PARP8: variants seen among roughly 807,000 people sequenced by gnomAD.
PARP8 encodes the protein protein mono-ADP-ribosyltransferase PARP8.
A neutral mutation model predicts 124.1 loss-of-function variants in PARP8; 51 were observed. That is an observed-to-expected ratio of 0.41 (90% CI 0.33 to 0.52). The LOEUF (loss-of-function observed/expected upper bound fraction) is 0.52, where lower values mean the gene tolerates loss of function less well. Ranked by LOEUF, PARP8 falls within the 20% of genes least tolerant of loss-of-function variation. The probability of loss-of-function intolerance (pLI) is 0.21; values close to 1 mark genes in which losing one functional copy is unlikely to be tolerated. For missense variants in PARP8, 860 were observed against 1,018.9 expected, an observed-to-expected ratio of 0.84 and a Z score of 2.12; for synonymous variants, 391 against 361.5, an observed-to-expected ratio of 1.08 and a Z score of -0.93.
chr5:50,783,953 T>G (rs1275628490), intron 9 of PARP8, among the ~76,000 whole-genome samples: 1 of 152,218 alleles, frequency 6.6e-6, no homozygotes, highest in African/African-American at 2.4e-5. Context: ...GTTCAATTCA[T>G]GCAAAAGTCT....
intron 2 of PARP8, among the ~76,000 whole-genome samples, chr5:50,745,571 C>T (rs1022875168): frequency 1.3e-5 from 2 of 152,172 alleles, no homozygotes; most frequent in East Asian, 1.9e-4. Context: ...CATTGGACTC[C>T]TATTTGTCTG....
chr5:50,736,335 CTGCAGCATCTTTGTAATGG>C (rs1436168572), intron 2 of PARP8, among the ~76,000 whole-genome samples: 1 of 152,066 alleles, frequency 6.6e-6, no homozygotes, highest in African/African-American at 2.4e-5. Flanking sequence ...CTTTTAGTGG[CTGCAGCATCTTTGTAATGG>C]TGCAGCATCT....
chr5:50,770,895 T>G (rs1202860315), intron 7 of PARP8, among the ~76,000 whole-genome samples: 3 of 152,102 alleles, frequency 2.0e-5, no homozygotes, highest in Non-Finnish European at 4.4e-5. Flanking sequence ...TTGTCATACT[T>G]TCTGTATACT....
At chr5:50,739,442 T>G (rs892753561) in intron 2 of PARP8, among the ~76,000 whole-genome samples, 10 of 152,130 alleles carry the variant, frequency 6.6e-5, no homozygotes, top group Admixed American at 2.6e-4. Flanking sequence ...GATCATCTCC[T>G]CTCGCTACAT....
At position 50,824,902 on chromosome 5, in the gene PARP8, T is replaced by G; in HGVS notation, c.1861-6T>G. Reference sequence around the variant, plus strand: ...AAAATCAAGAAGTATAATGACTTTTTTTCAGGCACCATATCTGGAAATCAA... The same window carrying G: ...AAAATCAAGAAGTATAATGACTTTTGTTCAGGCACCATATCTGGAAATCAA... On this transcript the variant is annotated splice_region_variant and splice_polypyrimidine_tract_variant and intron_variant, in intron 17 of 25. Coordinates refer to ENST00000281631, the MANE Select transcript of PARP8 (RefSeq NM_024615.4). 1 of 1,612,146 alleles carries G rather than the reference T, an allele frequency of 6.2e-7. No individual in the cohort carries two copies. Among genetic ancestry groups the G allele is most frequent in the Non-Finnish European group, 8.5e-7 (1 of 1,178,496 alleles).
chr5:50,833,378 G>A (rs1747200701), intron 23 of PARP8: 1 of 448,942 alleles, frequency 2.2e-6, no homozygotes, highest in Admixed American at 2.5e-5. Context: ...GAACATTCTG[G>A]GCAGAGAGTA....
At position 50,687,898 on chromosome 5, in the gene PARP8, A is replaced by T. The variant is rs547226630; in HGVS notation, c.146+19773A>T. 1.3e-3 allele frequency among the ~76,000 whole-genome samples: 204 copies of T among 152,250 alleles called. 1 individual carries two copies. Among genetic ancestry groups the T allele is most frequent in the African/African-American group, 4.9e-3 (202 of 41,556 alleles). On this transcript the variant is annotated intron_variant, in intron 2 of 25. Coordinates refer to ENST00000281631, the MANE Select transcript of PARP8 (RefSeq NM_024615.4). ...TTGTATAGGGACACAGCCAAACCAT[A>T]TCAAGTACAATCTTGTCTCCTTGTA...
Position 50,843,407 on chromosome 5 carries a change from T to A in PARP8, c.*1339T>A, listed in dbSNP as rs1748371497. The A allele has an allele frequency of 2.0e-5, 3 of 151,766 alleles. No individual in the cohort carries two copies. The South Asian group carries it at 6.2e-4, about 31-fold the overall frequency. The allele number at this position is 151,766 out of a possible 1,614,324, so 9.4% of individuals were successfully genotyped here. A position where few individuals can be genotyped will look rare whatever the true frequency, so the allele number is the denominator to read the frequency against. On this transcript the variant is annotated 3_prime_UTR_variant, in exon 26 of 26. Transcript: ENST00000281631. ...ATAAAAATGTATAGTCATTTGCAAG[T>A]ATAATGTGATAACTGCTGTGTTTAT...
intron 14 of PARP8, among the ~76,000 whole-genome samples, chr5:50,812,583 A>G (rs1744582192): frequency 6.6e-6 from 1 of 152,126 alleles, no homozygotes; most frequent in Non-Finnish European, 1.5e-5. Flanking sequence ...GCTGTGCAGA[A>G]GCTCTTTAGT....
At chr5:50,750,395 T>C (rs566354462) in intron 3 of PARP8, among the ~76,000 whole-genome samples, 126 of 152,196 alleles carry the variant, frequency 8.3e-4, no homozygotes, top group African/African-American at 3.0e-3. Flanking sequence ...AATTTCCCAA[T>C]GAAAAGTTCT....
At chr5:50,686,513 C>T (rs1751878272) in intron 2 of PARP8, among the ~76,000 whole-genome samples, 1 of 152,184 alleles carries the variant, frequency 6.6e-6, no homozygotes, top group Non-Finnish European at 1.5e-5. Context: ...GGACAGTGGC[C>T]CACTTCTCAC....
At chr5:50,821,064 G>A (rs1745710726) in intron 15 of PARP8, 149 bp from the exon 16 acceptor site, 1 of 797,668 alleles carries the variant, frequency 1.3e-6, no homozygotes, top group Non-Finnish European at 2.0e-6. Flanking sequence ...TTGGTCAAAT[G>A]TGGTCTCAAG....
chr5:50,811,138 C>T (rs1744389519), intron 14 of PARP8, among the ~76,000 whole-genome samples: 1 of 151,860 alleles, frequency 6.6e-6, no homozygotes, highest in Non-Finnish European at 1.5e-5. Flanking sequence ...TACTTTTAAA[C>T]CAAAAACATA....
chr5:50,773,092 C>A (rs1377054849), intron 7 of PARP8, among the ~76,000 whole-genome samples: 1 of 152,108 alleles, frequency 6.6e-6, no homozygotes, highest in African/African-American at 2.4e-5. Flanking sequence ...GATATAAACC[C>A]CTTGTGAGAT....
chr5:50,704,386 G>T (rs1753913377), intron 2 of PARP8, among the ~76,000 whole-genome samples: 1 of 152,208 alleles, frequency 6.6e-6, no homozygotes, highest in Admixed American at 6.5e-5. Flanking sequence ...TTGAAAAACT[G>T]CTCTGACCAA....
chr5:50,732,627 CTTTT>C (rs909163733), intron 2 of PARP8, among the ~76,000 whole-genome samples: 1 of 150,152 alleles, frequency 6.7e-6, no homozygotes, highest in Admixed American at 6.6e-5. Context: ...TCTTTTTTTC[CTTTT>C]TTTTTGAGAT....
intron 9 of PARP8, among the ~76,000 whole-genome samples, chr5:50,785,697 C>T (rs79028262): frequency 0.013 from 1,992 of 152,168 alleles, 19 homozygotes; most frequent in Non-Finnish European, 0.022. Flanking sequence ...TCTTAGGAAA[C>T]GAACTAATTT....
chr5:50,688,036 A>C (rs1334393106), intron 2 of PARP8, among the ~76,000 whole-genome samples: 1 of 152,078 alleles, frequency 6.6e-6, no homozygotes, highest in African/African-American at 2.4e-5. Context: ...TTATGTAGAG[A>C]TGATGTCTTG....
intron 2 of PARP8, among the ~76,000 whole-genome samples, chr5:50,688,274 C>T (rs1752095640): frequency 6.6e-6 from 1 of 152,142 alleles, no homozygotes. Flanking sequence ...AACAGTTGGA[C>T]TTAAGTAAGT....
Sources: allele counts gnomAD v4.1 joint callset (sites outside exome capture counted in the v4.1 genomes callset), GRCh38; gene constraint gnomAD v4.1.1; transcripts MANE v1.5; gene names NCBI Gene and HGNC (gene_info 2026-07-23, HGNC 2026-07-21).